RBM33: variants seen among roughly 807,000 people sequenced by gnomAD.
RBM33 encodes the protein RNA binding motif protein 33.
In RBM33, 28 loss-of-function variants were observed where a neutral mutation model predicts 132.6. The observed-to-expected ratio is 0.21, with a 90% CI of 0.16 to 0.29. The LOEUF is 0.29. Ranked by LOEUF, RBM33 falls within the 10% of genes least tolerant of loss-of-function variation. The pLI, the probability that RBM33 is intolerant of heterozygous loss-of-function variation, is 1.00. For missense variants in RBM33, 1,291 were observed against 1,518.5 expected, an observed-to-expected ratio of 0.85 and a Z score of 2.49; for synonymous variants, 634 against 593.0, an observed-to-expected ratio of 1.07 and a Z score of -1.01.
At chr7:155,645,819 G>A (rs1017460565) in intron 1 of RBM33, among the ~76,000 whole-genome samples, 4 of 152,204 alleles carry the variant, frequency 2.6e-5, no homozygotes, top group Admixed American at 6.5e-5. Context: ...GTATACTCGA[G>A]AAGTATTTTT....
At chr7:155,662,690 C>T (rs1798685433) in intron 1 of RBM33, among the ~76,000 whole-genome samples, 1 of 152,112 alleles carries the variant, frequency 6.6e-6, no homozygotes, top group Admixed American at 6.5e-5. Context: ...GCCCTTGACC[C>T]AGGGCAGGGG....
In RBM33 at chr7:155,707,063, G is replaced by C. The variant is rs1238294002; in HGVS notation, c.943G>C (p.Val315Leu). Residue 315 changes from valine to leucine, a missense_variant, in exon 7 of 18, where the codon GTC becomes CTC. Physicochemically the swap from Val to Leu is conservative, Grantham distance 32. Coordinates refer to ENST00000401878, the MANE Select transcript of RBM33 (RefSeq NM_053043.3). ...TGCGCTGCTTCCTACACAGCCTCCT[G>C]TCGTGGTAACTTCAGATTTTCTTGT... ...RPALLPTQPP[V>L]VPQAPPPPPP... The C allele has an allele frequency of 6.5e-7, 1 of 1,540,904 alleles. No individual in the cohort carries two copies. Among genetic ancestry groups the C allele is most frequent in the Non-Finnish European group, 8.7e-7 (1 of 1,143,044 alleles).
chr7:155,762,922 C>T (rs773694983), intron 14 of RBM33, among the ~76,000 whole-genome samples: 3 of 152,180 alleles, frequency 2.0e-5, no homozygotes, highest in Non-Finnish European at 4.4e-5. Context: ...TGTCTGCCGT[C>T]CTTGCTGTTC....
rs183074519 is a variant in RBM33 at position 155,713,177 on chromosome 7, G to T, written c.1201+1722G>T. The stretch of plus-strand genomic sequence containing the variant: ...TCTGGTTGCCATCACCTGAGGTGGG[G>T]AGATCAAAAGTTCTGTTTTGGGTGC... On this transcript the variant is annotated intron_variant, in intron 8 of 17. Coordinates refer to ENST00000401878, the MANE Select transcript of RBM33 (RefSeq NM_053043.3). Among the ~76,000 whole-genome samples the T allele has an allele frequency of 1.5e-3, 223 of 152,278 alleles. 1 individual carries two copies. The highest frequency in any genetic ancestry group is 3.0e-3 in the African/African-American group (123 of 41,556).
chr7:155,691,321 G>T (rs1799633523), intron 5 of RBM33, among the ~76,000 whole-genome samples: 3 of 152,176 alleles, frequency 2.0e-5, no homozygotes, highest in South Asian at 4.2e-4. Context: ...AGCTCCATCA[G>T]GTCATTTAAG....
At chr7:155,741,202 C>T (rs1051273963) in intron 12 of RBM33, among the ~76,000 whole-genome samples, 4 of 152,054 alleles carry the variant, frequency 2.6e-5, no homozygotes, top group African/African-American at 9.7e-5. Context: ...TGCGGGACCT[C>T]GGAGATCCCC....
Position 155,745,398 on chromosome 7 carries a change from G to A in RBM33, c.2775G>A (p.Gln925=), listed in dbSNP as rs1439358482. Residue 925 remains glutamine (Q), a synonymous_variant, in exon 14 of 18, where the codon CAG becomes CAA. Transcript: ENST00000401878. The surrounding 1 kb of genome is among the most constrained non-coding windows in gnomAD (Gnocchi z 4.1). ...QTRTVPQSQT[Q]PLHKVLPIKP... is the part of the protein sequence containing the mutation. Reference sequence around the variant, plus strand: ...GAACAGTTCCTCAAAGTCAGACTCAGCCGCTGCATAAAGTGCTCCCGATCA... The same window carrying A: ...GAACAGTTCCTCAAAGTCAGACTCAACCGCTGCATAAAGTGCTCCCGATCA... 9 of 1,613,562 alleles carry A rather than the reference G, an allele frequency of 5.6e-6. No homozygotes were observed. In the South Asian group the frequency reaches 8.8e-5, roughly 16 times the overall value.
rs538477880 is a variant in RBM33 at position 155,698,095 on chromosome 7, G to A, written c.568-2678G>A. 2.0e-3 allele frequency among the ~76,000 whole-genome samples: 301 copies of A among 152,288 alleles called. 2 individuals carry two copies. The highest frequency in any genetic ancestry group is 3.5e-3 in the Non-Finnish European group (238 of 68,022). The stretch of plus-strand genomic sequence containing the variant: ...TTAAAAATTATACAGAAGGCCAGGC[G>A]TGGTGGCTCAGGCCTGTAATCCCAG... On this transcript the variant is annotated intron_variant, in intron 5 of 17. Transcript: ENST00000401878.
chr7:155,655,534 C>CTTTTTTTTTTTTTTTTTTTTTT (rs756948005), intron 1 of RBM33, among the ~76,000 whole-genome samples: 2 of 80,114 alleles, frequency 2.5e-5, no homozygotes, highest in African/African-American at 5.1e-5. Flanking sequence ...GGCTGTTTGC[C>CTTTTTTTTTTTTTTTTTTTTTT]TTTTTTTTTT....
chr7:155,730,766 G>A (rs1428336290), intron 9 of RBM33, among the ~76,000 whole-genome samples: 6 of 152,142 alleles, frequency 3.9e-5, no homozygotes, highest in African/African-American at 9.7e-5. Flanking sequence ...GAGAATTTTC[G>A]GGGCTTTGTT....
chr7:155,675,199 C>T lies in RBM33; in HGVS notation c.171+2284C>T, dbSNP rs1042120196. Among the ~76,000 whole-genome samples the T allele has an allele frequency of 3.4e-5, 5 of 148,762 alleles. No individual in the cohort carries two copies. The East Asian group carries it at 6.0e-4, about 18-fold the overall frequency. On this transcript the variant is annotated intron_variant, in intron 3 of 17. Transcript: ENST00000401878. ...ACATGAACCTGAAATCCCAGTTACTCGGGAGGTTTACTTGAACCTGGGAGG... is the reference window on the plus strand; with the variant it reads ...ACATGAACCTGAAATCCCAGTTACTTGGGAGGTTTACTTGAACCTGGGAGG...
At chr7:155,664,917 G>GT (rs35481002) in intron 1 of RBM33, among the ~76,000 whole-genome samples, 108,336 of 148,954 alleles carry the variant, frequency 0.73, 39,399 homozygotes, top group South Asian at 0.8. Context: ...AACATTTGAG[G>GT]TTTTTTTTTT....
chr7:155,706,111 T>C (rs1339445886), intron 6 of RBM33, among the ~76,000 whole-genome samples: 1 of 152,238 alleles, frequency 6.6e-6, no homozygotes, highest in African/African-American at 2.4e-5. Flanking sequence ...TCGTATGCTA[T>C]TAATAGCTCT....
At chr7:155,701,876 C>T (rs554259239) in intron 6 of RBM33, among the ~76,000 whole-genome samples, 9 of 152,048 alleles carry the variant, frequency 5.9e-5, no homozygotes, top group Admixed American at 2.6e-4. Context: ...TTAGTAGAGA[C>T]GGGGTTTCAC....
intron 14 of RBM33, among the ~76,000 whole-genome samples, chr7:155,760,845 T>G (rs896648068): frequency 7.2e-5 from 11 of 152,266 alleles, no homozygotes; most frequent in African/African-American, 2.6e-4. Flanking sequence ...TGGAGAAGAT[T>G]TAAGAGGCAC....
intron 5 of RBM33, among the ~76,000 whole-genome samples, chr7:155,684,768 A>G (rs962106972): frequency 2.6e-5 from 4 of 152,188 alleles, no homozygotes; most frequent in Admixed American, 6.5e-5. Context: ...CACGCAGAGG[A>G]GGTTCCCCTC....
intron 6 of RBM33, among the ~76,000 whole-genome samples, chr7:155,704,548 C>A (rs1412522940): frequency 6.6e-6 from 1 of 152,162 alleles, no homozygotes; most frequent in African/African-American, 2.4e-5. Flanking sequence ...CCCCCAATTG[C>A]CAGTCCTGCA....
intron 1 of RBM33, among the ~76,000 whole-genome samples, chr7:155,663,540 C>T (rs555320632): frequency 6.6e-6 from 1 of 152,262 alleles, no homozygotes; most frequent in Admixed American, 6.5e-5. Context: ...GTGAGGGCAG[C>T]ACCAAGCCAT....
In RBM33 at chr7:155,646,542, A is replaced by T. The variant is rs1798200426; in HGVS notation, c.43+1623A>T. Among the ~76,000 whole-genome samples the T allele has an allele frequency of 2.6e-5, 4 of 152,122 alleles. No homozygotes were observed. The South Asian group carries it at 8.3e-4, about 31-fold the overall frequency. ...GCCTACCCCACCAGCATGTTGTGTG[A>T]TTGCTTCCTTTATCCTGGAAGTTCA... On this transcript the variant is annotated intron_variant, in intron 1 of 17. Transcript: ENST00000401878.
Sources: gnomAD v4.1 joint callset for allele counts (sites outside exome capture counted in the v4.1 genomes callset) on GRCh38, gnomAD v4.1.1 for gene constraint, Gnocchi (gnomAD v3.1) non-coding constraint, MANE v1.5 for transcripts, NCBI Gene and HGNC (gene_info 2026-07-23, HGNC 2026-07-21) for gene names.